The following TSHZ2 variants were observed in gnomAD, a reference collection of about 807,000 sequenced individuals.
TSHZ2 encodes the protein teashirt zinc finger homeobox 2.
TSHZ2 carries 21 observed loss-of-function variants against 74.4 expected under a neutral mutation model. That is an observed-to-expected ratio of 0.28 (90% CI 0.20 to 0.41). The LOEUF (loss-of-function observed/expected upper bound fraction) is 0.41. Ranked by LOEUF, TSHZ2 falls within the 10% of genes least tolerant of loss-of-function variation. TSHZ2 has a pLI of 1.00. For missense variants in TSHZ2, 1,244 were observed against 1,293.5 expected (o/e 0.96, Z 0.59); for synonymous variants, 540 against 515.3 (o/e 1.05, Z -0.65).
intron 2 of TSHZ2, among the ~76,000 whole-genome samples, chr20:53,266,298 A>T (rs1990715596): frequency 1.3e-5 from 2 of 152,146 alleles, no homozygotes; most frequent in African/African-American, 2.4e-5. Flanking sequence ...AATAACAGAA[A>T]AGGAAATCTT....
chr20:53,051,179 A>C (rs147877683), intron 1 of TSHZ2, among the ~76,000 whole-genome samples: 391 of 152,254 alleles, frequency 2.6e-3, no homozygotes, highest in African/African-American at 8.8e-3. Context: ...TCTCCACTAA[A>C]AATACAAAAA....
At chr20:53,216,208 G>C (rs1369360972) in intron 1 of TSHZ2, among the ~76,000 whole-genome samples, 1 of 150,566 alleles carries the variant, frequency 6.6e-6, no homozygotes, top group Middle Eastern at 3.5e-3. Context: ...CCCAAGGAAT[G>C]TCCCTGTCAT....
intron 2 of TSHZ2, among the ~76,000 whole-genome samples, chr20:53,355,298 A>G: frequency 6.6e-6 from 1 of 152,232 alleles, no homozygotes; most frequent in East Asian, 1.9e-4. Context: ...AGTCCTTTCT[A>G]CTTGCATGAA....
At chr20:53,345,941 A>G (rs2145577593) in intron 2 of TSHZ2, among the ~76,000 whole-genome samples, 1 of 152,316 alleles carries the variant, frequency 6.6e-6, no homozygotes, top group South Asian at 2.1e-4. Context: ...CCGGTCACTC[A>G]AGAGGGGCCG....
intron 1 of TSHZ2, among the ~76,000 whole-genome samples, chr20:53,126,719 ATT>A (rs1038272167): frequency 1.1e-4 from 17 of 152,292 alleles, no homozygotes; most frequent in Admixed American, 1.0e-3. Context: ...AAAATAGCAT[ATT>A]TTACAAAAAA....
chr20:53,233,633 A>C (rs1304600010), intron 1 of TSHZ2, among the ~76,000 whole-genome samples: 1 of 152,210 alleles, frequency 6.6e-6, no homozygotes, highest in Non-Finnish European at 1.5e-5. Context: ...ATAGCTAGCA[A>C]GTGATAGAGC....
rs115469532 is a variant in TSHZ2, at chr20:53,482,984, C to T, written c.*9-4160C>T. On this transcript the variant is annotated intron_variant, in intron 2 of 2. Transcript: ENST00000371497. ...TCCCAAAGTGGTCCAAGATTCAGAT[C>T]TTCTCTTTACCCTTCTTCAAGTGTA... Among the ~76,000 whole-genome samples, 1,293 of 152,290 alleles carry T rather than the reference C, an allele frequency of 8.5e-3. 20 individuals are homozygous for T. The highest frequency in any genetic ancestry group is 0.03 in the African/African-American group (1,232 of 41,558).
At chr20:53,365,474 A>C (rs1021313314) in intron 2 of TSHZ2, among the ~76,000 whole-genome samples, 1 of 152,200 alleles carries the variant, frequency 6.6e-6, no homozygotes, top group Non-Finnish European at 1.5e-5. Flanking sequence ...AGGTCATACT[A>C]TCTGAAGTTT....
Position 53,314,512 on chromosome 20 carries a change from A to G in TSHZ2, c.*8+57941A>G, listed in dbSNP as rs1266068479. ...CATCCACCTGCAAATGGGCTGAACTAGGAGGTCAAAGAAGTCCTCAGCCAC... is the reference window on the plus strand; with the variant it reads ...CATCCACCTGCAAATGGGCTGAACTGGGAGGTCAAAGAAGTCCTCAGCCAC... On this transcript the variant is annotated intron_variant, in intron 2 of 2. Transcript: ENST00000371497. Among the ~76,000 whole-genome samples, 5 of 152,130 alleles carry G rather than the reference A, an allele frequency of 3.3e-5. No homozygotes were observed. The East Asian group carries it at 7.7e-4, about 23-fold the overall frequency.
At chr20:53,035,043 C>T (rs939469220) in intron 1 of TSHZ2, among the ~76,000 whole-genome samples, 5 of 152,086 alleles carry the variant, frequency 3.3e-5, no homozygotes, top group South Asian at 2.1e-4. Flanking sequence ...AAGAGGATGG[C>T]AGTGGTGAGG....
intron 1 of TSHZ2, among the ~76,000 whole-genome samples, chr20:53,146,987 T>C (rs905063683): frequency 6.6e-6 from 1 of 152,254 alleles, no homozygotes; most frequent in Non-Finnish European, 1.5e-5. Context: ...TTTGATGTTA[T>C]TTTTTCAGTT....
At position 52,982,223 on chromosome 20, in the gene TSHZ2, A is replaced by C. The variant is rs75086739; in HGVS notation, c.40+8890A>C. ...AGTAAGTTGCAGGATAACTCATTCA[A>C]GTTCGTGCGGTAGCCAAGCTGAGTT... On this transcript the variant is annotated intron_variant, in intron 1 of 2. Coordinates refer to ENST00000371497, the MANE Select transcript of TSHZ2 (RefSeq NM_173485.6). Among the ~76,000 whole-genome samples, 899 of 152,286 alleles carry C rather than the reference A, an allele frequency of 5.9e-3. 7 individuals are homozygous for C. Among genetic ancestry groups the C allele is most frequent in the African/African-American group, 0.02 (830 of 41,562 alleles).
rs1417791833 is a variant in TSHZ2 at position 53,255,911 on chromosome 20, C to T, written c.2453C>T (p.Pro818Leu). Residue 818 changes from proline to leucine, a missense_variant, in exon 2 of 3, where the codon CCC becomes CTC. Around this residue, in one of 6 missense-constraint regions of TSHZ2, gnomAD observed 562 missense variants for 544.0 expected, o/e 1.03. Coordinates refer to ENST00000371497, the MANE Select transcript of TSHZ2 (RefSeq NM_173485.6). This position sits in a 1 kb window ranked among gnomAD's most constrained non-coding sequence, Gnocchi z 4.1. ...PKPASSSRVP[P>L]MKLEMDVRRF... is the part of the protein sequence containing the mutation. ...CCAGCCTCCTCCTCCAGGGTCCCCC[C>T]CATGAAGCTGGAAATGGATGTCAGG... 6.2e-7 allele frequency: 1 copy of T among 1,614,148 alleles called. No homozygotes were observed. The highest frequency in any genetic ancestry group is 8.5e-7 in the Non-Finnish European group (1 of 1,180,020).
chr20:53,001,232 G>GTGTATA (rs1378964905), intron 1 of TSHZ2, among the ~76,000 whole-genome samples: 7 of 135,286 alleles, frequency 5.2e-5, no homozygotes, highest in African/African-American at 1.9e-4. Flanking sequence ...GTGTGTGTGT[G>GTGTATA]TGTGTGTGTG....
In TSHZ2 at chr20:53,350,120, G is replaced by T. The variant is rs373876388; in HGVS notation, c.*8+93549G>T. On this transcript the variant is annotated intron_variant, in intron 2 of 2. Coordinates refer to ENST00000371497, the MANE Select transcript of TSHZ2 (RefSeq NM_173485.6). ...GTCTGCCTGAATAATCTAAACCAAGGTTCCCATCTTGAGATCCTGAATTTA... is the reference window on the plus strand; with the variant it reads ...GTCTGCCTGAATAATCTAAACCAAGTTTCCCATCTTGAGATCCTGAATTTA... 9.9e-5 allele frequency among the ~76,000 whole-genome samples: 15 copies of T among 152,276 alleles called. No homozygotes were observed. In the South Asian group the frequency reaches 1.5e-3, roughly 15 times the overall value.
chr20:53,252,300 C>T (rs1600768253), intron 1 of TSHZ2, among the ~76,000 whole-genome samples: 1 of 152,232 alleles, frequency 6.6e-6, no homozygotes, highest in Non-Finnish European at 1.5e-5. Context: ...CTGGAAATAA[C>T]AGAGCCTGCT....
At chr20:52,977,998 T>G (rs920598251) in intron 1 of TSHZ2, among the ~76,000 whole-genome samples, 1 of 152,190 alleles carries the variant, frequency 6.6e-6, no homozygotes. Context: ...CTGCTACACT[T>G]TGGGAATGCT....
At chr20:53,436,524 T>TTTATTA (rs754149055) in intron 2 of TSHZ2, among the ~76,000 whole-genome samples, 2 of 123,402 alleles carry the variant, frequency 1.6e-5, no homozygotes, top group Non-Finnish European at 3.2e-5. Context: ...ATTTTATTTA[T>TTTATTA]TTATTATTAT....
chr20:53,086,900 A>G (rs1036452413), intron 1 of TSHZ2, among the ~76,000 whole-genome samples: 7 of 152,150 alleles, frequency 4.6e-5, no homozygotes, highest in African/African-American at 1.7e-4. Context: ...AAAAATGAAT[A>G]TATTAGCTAG....
Sources: allele counts gnomAD v4.1 joint callset (sites outside exome capture counted in the v4.1 genomes callset), GRCh38; gene constraint gnomAD v4.1.1; regional missense constraint gnomAD v4.1.1; non-coding constraint Gnocchi (gnomAD v3.1); transcripts MANE v1.5; gene names NCBI Gene and HGNC (gene_info 2026-07-23, HGNC 2026-07-21).